The following AS3MT variants were observed in gnomAD, a reference collection of about 807,000 sequenced individuals.
AS3MT encodes the protein arsenite methyltransferase.
Under a neutral mutation model 45.3 loss-of-function variants are expected in AS3MT, and 47 were observed. That is an observed-to-expected ratio of 1.04 (90% CI 0.82 to 1.32). The LOEUF (loss-of-function observed/expected upper bound fraction) is 1.32, where lower values mean the gene tolerates loss of function less well. Among genes scored for constraint, AS3MT ranks in the 40% most tolerant of loss-of-function variants. The pLI is 0.00. For synonymous variants in AS3MT, 141 were observed against 152.8 expected, an observed-to-expected ratio of 0.92 and a Z score of 0.57; for missense variants, 396 against 451.1, an observed-to-expected ratio of 0.88 and a Z score of 1.11.
chr10:102,876,001 AG>A (rs111450127), intron 6 of AS3MT, among the ~76,000 whole-genome samples: 19,808 of 152,094 alleles, frequency 0.13, 1,310 homozygotes, highest in Middle Eastern at 0.21. Context: ...ATATCTATAT[AG>A]AAATGATTTA....
intron 9 of AS3MT, among the ~76,000 whole-genome samples, chr10:102,886,734 C>T (rs1383123406): frequency 6.6e-6 from 1 of 152,112 alleles, no homozygotes; most frequent in Non-Finnish European, 1.5e-5. Context: ...GGCAATCCTC[C>T]TACCCCAGCA....
intron 3 of AS3MT, among the ~76,000 whole-genome samples, chr10:102,870,808 C>T (rs1317047050): frequency 2.0e-5 from 3 of 152,188 alleles, no homozygotes; most frequent in Non-Finnish European, 4.4e-5. Flanking sequence ...TCCAGCACCA[C>T]GCTGCTGTCC....
rs750094511 is a variant in AS3MT, at chr10:102,874,641, G to A, written c.508G>A (p.Glu170Lys). The A allele has an allele frequency of 1.2e-6, 2 of 1,609,844 alleles. No homozygotes were observed. The highest frequency in any genetic ancestry group is 1.1e-5 in the South Asian group (1 of 90,292). The stretch of plus-strand genomic sequence containing the variant: ...GCCTGATAAACAACAAGTGCTTCAG[G>A]AGGCATATCGGGTGCTGAAGGTGAG... ...LVPDKQQVLQEAYRVLKHGGE... is the reference protein window; with the variant it reads ...LVPDKQQVLQKAYRVLKHGGE... Residue 170 changes from glutamate to lysine, a missense_variant, in exon 6 of 11, where the codon GAG (glutamate) becomes AAG (lysine). Coordinates refer to ENST00000369880, the MANE Select transcript of AS3MT (RefSeq NM_020682.4).
chr10:102,873,111 A>G lies in AS3MT; in HGVS notation c.336A>G (p.Glu112=), dbSNP rs1282497931. The G allele has an allele frequency of 6.3e-7, 1 of 1,587,116 alleles. No individual in the cohort carries two copies. Among genetic ancestry groups the G allele is most frequent in the Non-Finnish European group, 8.5e-7 (1 of 1,172,746 alleles). The change falls in exon 5 of 11, where the codon GAA becomes GAG. Residue 112 remains glutamate, a synonymous_variant. Coordinates refer to ENST00000369880, the MANE Select transcript of AS3MT (RefSeq NM_020682.4). ...DMTKGQVEVA[E]KYLDYHMEKY... is the part of the protein sequence containing the mutation. Reference sequence around the variant, plus strand: ...TCTTACTTTAGGTGGAAGTGGCTGAAAAGTATCTTGACTATCACATGGAAA... The same window carrying G: ...TCTTACTTTAGGTGGAAGTGGCTGAGAAGTATCTTGACTATCACATGGAAA...
chr10:102,883,498 AG>A (rs1844899645), intron 9 of AS3MT, among the ~76,000 whole-genome samples: 1 of 152,054 alleles, frequency 6.6e-6, no homozygotes, highest in Middle Eastern at 3.4e-3. Flanking sequence ...GGATTACCTG[AG>A]GTCAGGAGTT....
Position 102,870,103 on chromosome 10 carries a change from T to C in AS3MT, c.62T>C (p.Leu21Pro). 1.2e-6 allele frequency: 2 copies of C among 1,614,080 alleles called. No individual in the cohort carries two copies. The highest frequency in any genetic ancestry group is 1.1e-5 in the South Asian group (1 of 91,084). Residue 21 changes from leucine (L) to proline (P), a missense_variant, in exon 3 of 11, where the codon CTG becomes CCG. Coordinates refer to ENST00000369880, the MANE Select transcript of AS3MT (RefSeq NM_020682.4). ...KDVQTYYGQV[L>P]KRSADLQTNG... Reference sequence around the variant, plus strand: ...GGTCAGACCTACTACGGGCAGGTGCTGAAGAGATCGGCAGACCTCCAGACC... The same window carrying C: ...GGTCAGACCTACTACGGGCAGGTGCCGAAGAGATCGGCAGACCTCCAGACC...
intron 9 of AS3MT, among the ~76,000 whole-genome samples, chr10:102,887,542 T>G (rs771492016): frequency 5.3e-5 from 8 of 152,198 alleles, no homozygotes; most frequent in Non-Finnish European, 8.8e-5. Flanking sequence ...CTTGCTGAAT[T>G]GACCCCTTTA....
Position 102,878,873 on chromosome 10 carries a change from C to T in AS3MT, c.767C>T (p.Thr256Ile), listed in dbSNP as rs1458578761. ...GGTGACTGTCGTTTTGTTTCTGCAA[C>T]ATTTCGCCTCTTCAAACACTCTAAG... ...VIGDCRFVSA[T>I]FRLFKHSKTG... The change falls in exon 9 of 11, where the codon ACA (threonine) becomes ATA (isoleucine). Residue 256 changes from threonine to isoleucine, a missense_variant. Transcript: ENST00000369880. 1.9e-6 allele frequency: 3 copies of T among 1,613,098 alleles called. No individual in the cohort carries two copies. Among genetic ancestry groups the T allele is most frequent in the African/African-American group, 2.7e-5 (2 of 74,882 alleles).
At chr10:102,870,788 A>C (rs1370197768) in intron 3 of AS3MT, among the ~76,000 whole-genome samples, 8 of 151,694 alleles carry the variant, frequency 5.3e-5, no homozygotes, top group Non-Finnish European at 1.2e-4. Flanking sequence ...TTCCTTCCCA[A>C]CCCTGCGCAT....
rs533911626 is a variant in AS3MT at position 102,882,722 on chromosome 10, C to T, written c.885+3731C>T. Among the ~76,000 whole-genome samples, 113 of 152,166 alleles carry T rather than the reference C, an allele frequency of 7.4e-4. 1 individual carries two copies. Among genetic ancestry groups the T allele is most frequent in the African/African-American group, 2.6e-3 (110 of 41,520 alleles). On this transcript the variant is annotated intron_variant, in intron 9 of 10. Coordinates refer to ENST00000369880, the MANE Select transcript of AS3MT (RefSeq NM_020682.4). ...TCTCCTGCCTTAGCCTCTCGAGTAG[C>T]AGGGATTACAGGCGTGTGCCACCAC... is the stretch of plus-strand genomic sequence containing the variant.
chr10:102,874,732 C>G, intron 6 of AS3MT, 71 bp downstream of exon 6: 1 of 1,138,682 alleles, frequency 8.8e-7, no homozygotes, highest in South Asian at 1.3e-5. Context: ...TTGTTTGTTC[C>G]CCCTTGAACT....
At chr10:102,889,647 T>TTC (rs1564794858) in intron 9 of AS3MT, among the ~76,000 whole-genome samples, 11 of 91,948 alleles carry the variant, frequency 1.2e-4, no homozygotes, top group African/African-American at 1.9e-4. Context: ...TTCCTTCCTT[T>TTC]CTTCCTTCCT....
intron 10 of AS3MT, among the ~76,000 whole-genome samples, chr10:102,897,496 G>A (rs1845196313): frequency 6.7e-6 from 1 of 149,920 alleles, no homozygotes; most frequent in Admixed American, 6.7e-5. Context: ...TTGAGACAGA[G>A]TCTCGCTCTG....
chr10:102,877,122 A>C lies in AS3MT; in HGVS notation c.610+87A>C. 10 of 1,251,950 alleles carry C rather than the reference A, an allele frequency of 8.0e-6. No individual in the cohort carries two copies. In the South Asian group the frequency reaches 1.2e-4, roughly 15 times the overall value. The allele number at this position is 1,251,950 out of a possible 1,614,324, so 77.6% of individuals were successfully genotyped here. On this transcript the variant is annotated intron_variant, in intron 7 of 10. Transcript: ENST00000369880. Reference sequence around the variant, plus strand: ...CTGCTAATAGCCAGGATGAGGCTATATGAGATCACATGGGGTTAGGCCATG... The same window carrying C: ...CTGCTAATAGCCAGGATGAGGCTATCTGAGATCACATGGGGTTAGGCCATG...
At chr10:102,874,477 G>A (rs1220702733) in intron 5 of AS3MT, 115 bp from the exon 6 acceptor site, 2 of 706,108 alleles carry the variant, frequency 2.8e-6, no homozygotes, top group East Asian at 2.8e-5. Flanking sequence ...GAGGGAGGCG[G>A]TAAGAATGGG....
At chr10:102,876,186 C>T (rs373208915) in intron 6 of AS3MT, among the ~76,000 whole-genome samples, 91 of 152,058 alleles carry the variant, frequency 6.0e-4, no homozygotes, top group African/African-American at 1.9e-3. Flanking sequence ...ATTTGCCTTA[C>T]ATTTTAAGGA....
At chr10:102,899,562 T>C (rs183868196) in intron 10 of AS3MT, among the ~76,000 whole-genome samples, 1 of 152,240 alleles carries the variant, frequency 6.6e-6, no homozygotes, top group Non-Finnish European at 1.5e-5. Flanking sequence ...GTAGAGTCTG[T>C]GCCTGCCTTG....
intron 10 of AS3MT, among the ~76,000 whole-genome samples, chr10:102,896,743 A>G (rs1324762430): frequency 6.7e-6 from 1 of 148,554 alleles, no homozygotes; most frequent in Non-Finnish European, 1.5e-5. Context: ...GGAGGGGCGG[A>G]GGTTGCAGTG....
chr10:102,876,514 G>A (rs1298989033), intron 6 of AS3MT, among the ~76,000 whole-genome samples: 2 of 152,016 alleles, frequency 1.3e-5, no homozygotes, highest in East Asian at 3.9e-4. Context: ...CTCTCCTCCA[G>A]CAAGCCTCCC....
Sources: gnomAD v4.1 joint callset for allele counts (sites outside exome capture counted in the v4.1 genomes callset) on GRCh38, gnomAD v4.1.1 for gene constraint, MANE v1.5 for transcripts, NCBI Gene and HGNC (gene_info 2026-07-23, HGNC 2026-07-21) for gene names.